Variants in KDM5B observed in about 807,000 individuals in gnomAD.
KDM5B encodes the protein lysine-specific demethylase 5B.
KDM5B carries 144 observed loss-of-function variants against 193.4 expected under a neutral mutation model. The ratio of observed to expected loss-of-function variants is 0.74; its 90% CI spans 0.65 to 0.86. The LOEUF is 0.86. Among genes scored for constraint, KDM5B ranks in the 40% least tolerant of loss-of-function variants. The probability of loss-of-function intolerance (pLI) is 0.00; values close to 1 mark genes in which losing one functional copy is unlikely to be tolerated. For missense variants in KDM5B, 1,833 were observed against 1,886.9 expected, an observed-to-expected ratio of 0.97 and a Z score of 0.53; for synonymous variants, 668 against 682.6, an observed-to-expected ratio of 0.98 and a Z score of 0.33.
intron 1 of KDM5B, among the ~76,000 whole-genome samples, chr1:202,793,937 T>C (rs1657739541): frequency 1.3e-5 from 2 of 152,076 alleles, no homozygotes; most frequent in Admixed American, 1.3e-4. Context: ...CTACCACAAA[T>C]CCCTGAAGCC....
intron 21 of KDM5B, 65 bp downstream of exon 21, chr1:202,736,148 T>C: frequency 8.6e-7 from 1 of 1,165,140 alleles, no homozygotes; most frequent in Non-Finnish European, 1.2e-6. Flanking sequence ...TTGTATGTGA[T>C]GAACTGCATG....
At chr1:202,775,671 C>T (rs1265832222) in intron 2 of KDM5B, among the ~76,000 whole-genome samples, 2 of 146,888 alleles carry the variant, frequency 1.4e-5, no homozygotes, top group Non-Finnish European at 3.0e-5. Context: ...GCCTGGCCAA[C>T]ATGGTGAAAC....
chr1:202,732,690 T>C (rs1460933642), intron 23 of KDM5B, among the ~76,000 whole-genome samples: 4 of 152,148 alleles, frequency 2.6e-5, no homozygotes, highest in Non-Finnish European at 4.4e-5. Context: ...TGTGCTCATA[T>C]GGCACAAGAG....
At chr1:202,730,154 G>T in intron 25 of KDM5B, 127 bp from the exon 26 acceptor site, 2 of 830,702 alleles carry the variant, frequency 2.4e-6, no homozygotes, top group Non-Finnish European at 1.8e-6. Flanking sequence ...AAAAAATACT[G>T]CATCTTAACC....
intron 1 of KDM5B, among the ~76,000 whole-genome samples, chr1:202,785,525 T>C (rs1459163542): frequency 6.6e-6 from 1 of 152,156 alleles, no homozygotes; most frequent in Non-Finnish European, 1.5e-5. Flanking sequence ...GTACCTTACG[T>C]ATGTGAATAA....
At position 202,725,411 on chromosome 1, in the gene KDM5B, TATA is replaced by T. The variant is rs540146208; in HGVS notation, c.*3622_*3624del. On this transcript the variant is annotated 3_prime_UTR_variant, in exon 27 of 27. Coordinates refer to ENST00000367265, the MANE Select transcript of KDM5B (RefSeq NM_006618.5). ...TTAGGCAGCTTTTCAGTAACATTTC[TATA>T]ATAAGTTACACATGAAGCCTCCCAA... 59 of 152,352 alleles carry T rather than the reference TATA, an allele frequency of 3.9e-4. No homozygotes were observed. The highest frequency in any genetic ancestry group is 6.5e-4 in the Non-Finnish European group (44 of 68,036). 9.4% of individuals were successfully genotyped at this position (152,352 alleles called of 1,614,324 possible).
At chr1:202,755,240 C>T (rs1655960789) in intron 11 of KDM5B, 31 bp downstream of exon 11, 1 of 1,582,910 alleles carries the variant, frequency 6.3e-7, no homozygotes, top group Non-Finnish European at 8.7e-7. Context: ...AGCATGCATA[C>T]TACTCATGGG....
chr1:202,735,647 G>A (rs2102220276), intron 21 of KDM5B, 60 bp from the exon 22 acceptor site: 2 of 1,494,168 alleles, frequency 1.3e-6, no homozygotes, highest in African/African-American at 1.4e-5. Context: ...CATTATGTAG[G>A]AAGTCCCAAA....
Position 202,733,705 on chromosome 1 carries a change from C to T in KDM5B, c.3605G>A (p.Ser1202Asn), listed in dbSNP as rs769935796. The change falls in exon 23 of 27, where the codon AGT (serine) becomes AAT (asparagine). Residue 1202 changes from serine to asparagine, a missense_variant. Ser to Asn is a conservative substitution (Grantham distance 46). Transcript: ENST00000367265. ...CELCRDAFHTSCVAVPSISQG... is the reference protein window; with the variant it reads ...CELCRDAFHTNCVAVPSISQG... ...TGAAATACTGGGTACCGCCACACAACTGGTGTGGAAAGCATCCCTGCAGAG... is the reference window on the plus strand; with the variant it reads ...TGAAATACTGGGTACCGCCACACAATTGGTGTGGAAAGCATCCCTGCAGAG... The T allele has an allele frequency of 3.1e-6, 5 of 1,613,996 alleles. No individual in the cohort carries two copies. In the South Asian group the frequency reaches 5.5e-5, roughly 18 times the overall value.
Position 202,727,357 on chromosome 1 carries a change from G to A in KDM5B, c.*1679C>T, listed in dbSNP as rs1654710406. 1 of 152,402 alleles carries A rather than the reference G, an allele frequency of 6.6e-6. No individual in the cohort carries two copies. Among genetic ancestry groups the A allele is most frequent in the African/African-American group, 2.4e-5 (1 of 41,422 alleles). 9.4% of individuals were successfully genotyped at this position (152,402 alleles called of 1,614,324 possible). A position where few individuals can be genotyped will look rare whatever the true frequency, so the allele number is the denominator to read the frequency against. ...ATTGGCCCCAGAACCACCATCAGAC[G>A]AAGAGAAACATCACAACAACTGCAG... On this transcript the variant is annotated 3_prime_UTR_variant, in exon 27 of 27. Coordinates refer to ENST00000367265, the MANE Select transcript of KDM5B (RefSeq NM_006618.5).
At chr1:202,783,392 C>A (rs892311039) in intron 1 of KDM5B, among the ~76,000 whole-genome samples, 2 of 152,004 alleles carry the variant, frequency 1.3e-5, no homozygotes, top group African/African-American at 4.8e-5. Context: ...GTAGTCCCAG[C>A]TAATCAGGAG....
At chr1:202,752,754 G>A (rs773354310) in intron 12 of KDM5B, 151 bp downstream of exon 12, 8 of 677,766 alleles carry the variant, frequency 1.2e-5, no homozygotes, top group Non-Finnish European at 2.0e-5. Context: ...CTGAGTAAAT[G>A]TACAGTACTG....
chr1:202,781,070 C>A (rs1657178246), intron 1 of KDM5B, among the ~76,000 whole-genome samples: 1 of 152,150 alleles, frequency 6.6e-6, no homozygotes, highest in Non-Finnish European at 1.5e-5. Flanking sequence ...AATCTCAGCA[C>A]TTTGGGCTGC....
At chr1:202,746,596 A>G (rs1333975999) in intron 14 of KDM5B, 1 of 300,222 alleles carries the variant, frequency 3.3e-6, no homozygotes, top group African/African-American at 2.1e-5. Flanking sequence ...CTGTAAAACT[A>G]CTGAGATTAG....
intron 8 of KDM5B, among the ~76,000 whole-genome samples, chr1:202,759,635 A>T (rs1656162268): frequency 1.3e-5 from 2 of 152,156 alleles, no homozygotes; most frequent in Admixed American, 1.3e-4. Context: ...TATTAAAAAC[A>T]TCAGTAATCA....
chr1:202,784,536 CTCA>C (rs1212628187), intron 1 of KDM5B, among the ~76,000 whole-genome samples: 1 of 152,166 alleles, frequency 6.6e-6, no homozygotes, highest in African/African-American at 2.4e-5. Flanking sequence ...AGACCACTTT[CTCA>C]TCAAATGAAT....
Position 202,808,255 on chromosome 1 carries a change from G to A in KDM5B, c.51C>T (p.Leu17=), listed in dbSNP as rs770526116. 3.7e-6 allele frequency: 6 copies of A among 1,610,498 alleles called. No individual in the cohort carries two copies. Among genetic ancestry groups the A allele is most frequent in the African/African-American group, 1.3e-5 (1 of 74,826 alleles). Residue 17 remains leucine (L), a synonymous_variant, in exon 1 of 27, where the codon CTC becomes CTT. Transcript: ENST00000367265. ...LHPGPRPALP[L]GGPGPLGEFL... ...ACTCGCCCAGCGGGCCCGGGCCCCCGAGGGGCAGCGCCGGGCGCGGGCCTG... is the reference window on the plus strand; with the variant it reads ...ACTCGCCCAGCGGGCCCGGGCCCCCAAGGGGCAGCGCCGGGCGCGGGCCTG...
Position 202,730,014 on chromosome 1 carries a change from C to A in KDM5B, c.4190G>T (p.Arg1397Leu), listed in dbSNP as rs777283441. 1.2e-6 allele frequency: 2 copies of A among 1,609,950 alleles called. No homozygotes were observed. The highest frequency in any genetic ancestry group is 3.4e-5 in the Admixed American group (2 of 59,232). Residue 1397 changes from arginine (R) to leucine (L), a missense_variant, in exon 26 of 27, where the codon CGA becomes CTA. Arg to Leu is a moderately radical substitution (Grantham distance 102). Around this residue, in one of 3 missense-constraint regions of KDM5B, gnomAD observed 1,379 missense variants for 1,349.6 expected, o/e 1.02. Coordinates refer to ENST00000367265, the MANE Select transcript of KDM5B (RefSeq NM_006618.5). ...RPSSEKNDCC[R>L]GKRDGINSLE... ...ACTGTTAATTCCATCTCGCTTCCCT[C>A]GGCAACAGTCATTCTGGGTGGAAGA...
At chr1:202,739,481 T>C (rs1276627760) in intron 20 of KDM5B, among the ~76,000 whole-genome samples, 1 of 151,964 alleles carries the variant, frequency 6.6e-6, no homozygotes, top group Non-Finnish European at 1.5e-5. Flanking sequence ...TTTTATTTAT[T>C]TATTTATTTT....
Sources: allele counts gnomAD v4.1 joint callset (sites outside exome capture counted in the v4.1 genomes callset), GRCh38; gene constraint gnomAD v4.1.1; regional missense constraint gnomAD v4.1.1; transcripts MANE v1.5; gene names NCBI Gene and HGNC (gene_info 2026-07-23, HGNC 2026-07-21).